Variants in SMARCC1 observed in about 807,000 individuals in gnomAD.
SMARCC1 encodes the protein SWI/SNF complex subunit SMARCC1.
In SMARCC1, 43 loss-of-function variants were observed where a neutral mutation model predicts 147.4. The ratio of observed to expected loss-of-function variants is 0.29; its 90% CI spans 0.23 to 0.38. The LOEUF is 0.38. Among genes scored for constraint, SMARCC1 ranks in the 10% least tolerant of loss-of-function variants. SMARCC1 has a pLI of 1.00. For synonymous variants in SMARCC1, 495 were observed against 484.4 expected, an observed-to-expected ratio of 1.02 and a Z score of -0.29; for missense variants, 1,119 against 1,381.1, an observed-to-expected ratio of 0.81 and a Z score of 3.01.
chr3:47,744,237 G>A (rs576530172), intron 3 of SMARCC1, among the ~76,000 whole-genome samples: 1 of 152,238 alleles, frequency 6.6e-6, no homozygotes, highest in East Asian at 1.9e-4. Flanking sequence ...CGTCTCCCGG[G>A]TTCAAGCAAT....
chr3:47,650,078 C>G (rs1162194997), intron 21 of SMARCC1, among the ~76,000 whole-genome samples: 1 of 151,608 alleles, frequency 6.6e-6, no homozygotes, highest in East Asian at 1.9e-4. Context: ...AGATCGAGAT[C>G]ATCCTGGCTA....
chr3:47,613,736 T>C (rs1441888554), intron 25 of SMARCC1, among the ~76,000 whole-genome samples: 1 of 151,968 alleles, frequency 6.6e-6, no homozygotes. Flanking sequence ...GCGAACCCAG[T>C]TTTTCATACA....
At chr3:47,696,078 G>A (rs796600903) in intron 11 of SMARCC1, among the ~76,000 whole-genome samples, 302 of 8,242 alleles carry the variant, frequency 0.037, no homozygotes, top group East Asian at 0.087. Context: ...AAAAAAAAAA[G>A]GGGGGGGGGG....
In SMARCC1 at chr3:47,781,694, T is replaced by A. The variant is rs1454560518; in HGVS notation, c.104A>T (p.Asp35Val). The A allele has an allele frequency of 6.4e-7, 1 of 1,562,456 alleles. No individual in the cohort carries two copies. Among genetic ancestry groups the A allele is most frequent in the Admixed American group, 1.9e-5 (1 of 52,546 alleles). ...AAGLAVYRRK[D>V]GGPATKFWES... ...CCAAAACTTGGTGGCCGGGCCCCCA[T>A]CCTTCCGTCGATAAACAGCTAGGCC... Residue 35 changes from aspartate to valine, a missense_variant, in exon 1 of 28, where the codon GAT becomes GTT. Physicochemically the swap from Asp to Val is radical, Grantham distance 152. Transcript: ENST00000254480.
chr3:47,669,754 A>C (rs1254093755), intron 19 of SMARCC1, among the ~76,000 whole-genome samples: 1 of 152,206 alleles, frequency 6.6e-6, no homozygotes, highest in African/African-American at 2.4e-5. Context: ...AAAGAAATGG[A>C]AATAGTTTGA....
intron 26 of SMARCC1, among the ~76,000 whole-genome samples, chr3:47,594,949 G>A (rs1317703794): frequency 6.6e-6 from 1 of 152,200 alleles, no homozygotes; most frequent in Non-Finnish European, 1.5e-5. Context: ...GACTCCTGCT[G>A]CCACTCCTCT....
At chr3:47,653,239 G>C (rs1011818902) in intron 21 of SMARCC1, among the ~76,000 whole-genome samples, 15 of 152,154 alleles carry the variant, frequency 9.9e-5, no homozygotes, top group Non-Finnish European at 2.2e-4. Flanking sequence ...TTACAGGCGT[G>C]AGCCACGGCG....
At chr3:47,599,111 G>A (rs1019425510) in intron 26 of SMARCC1, among the ~76,000 whole-genome samples, 5 of 152,164 alleles carry the variant, frequency 3.3e-5, no homozygotes, top group African/African-American at 4.8e-5. Flanking sequence ...GACAGGCTGT[G>A]CGCAGTGGCT....
chr3:47,592,421 A>G (rs1443382938), intron 26 of SMARCC1, among the ~76,000 whole-genome samples: 1 of 152,202 alleles, frequency 6.6e-6, no homozygotes, highest in African/African-American at 2.4e-5. Context: ...ATAAAACATT[A>G]TTCTTCTTTT....
intron 9 of SMARCC1, among the ~76,000 whole-genome samples, chr3:47,708,507 T>C (rs569856131): frequency 1.3e-5 from 2 of 152,038 alleles, no homozygotes; most frequent in African/African-American, 4.8e-5. Context: ...ACAAACAAAC[T>C]AAATCTGAAC....
chr3:47,781,722 C>T lies in SMARCC1; in HGVS notation c.76G>A (p.Ala26Thr). Residue 26 changes from alanine to threonine, a missense_variant, in exon 1 of 28, where the codon GCA (alanine) becomes ACA (threonine). By Grantham distance (58) the Ala-to-Thr change is moderately conservative. Around this residue, in one of 6 missense-constraint regions of SMARCC1, gnomAD observed 542 missense variants for 611.8 expected, o/e 0.89. Transcript: ENST00000254480. ...TTCCGTCGATAAACAGCTAGGCCTG[C>T]GGCTGCCGCCGCAATCCCCGAGCCC... is the stretch of plus-strand genomic sequence containing the variant. ...ATGSGIAAAA[A>T]GLAVYRRKDG... is the part of the protein sequence containing the mutation. 6.4e-7 allele frequency: 1 copy of T among 1,551,784 alleles called. No individual in the cohort carries two copies. Among genetic ancestry groups the T allele is most frequent in the Non-Finnish European group, 8.7e-7 (1 of 1,154,344 alleles).
intron 2 of SMARCC1, among the ~76,000 whole-genome samples, chr3:47,761,354 T>C (rs2034771369): frequency 6.6e-6 from 1 of 151,934 alleles, no homozygotes; most frequent in Middle Eastern, 3.2e-3. Flanking sequence ...ACTAAAAATA[T>C]ATAACTAAAT....
chr3:47,722,723 A>G (rs13094264), intron 6 of SMARCC1, among the ~76,000 whole-genome samples: 95,171 of 152,098 alleles, frequency 0.63, 30,585 homozygotes, highest in East Asian at 0.72. Flanking sequence ...TTATACCCAA[A>G]AATGAATTTA....
chr3:47,639,865 A>C (rs529372773), intron 21 of SMARCC1, among the ~76,000 whole-genome samples: 11 of 152,316 alleles, frequency 7.2e-5, no homozygotes, highest in Admixed American at 5.2e-4. Flanking sequence ...TGAACACAGA[A>C]AGATGGTACA....
chr3:47,675,641 G>C, intron 17 of SMARCC1, 53 bp from the exon 18 acceptor site: 1 of 1,006,626 alleles, frequency 9.9e-7, no homozygotes, highest in Non-Finnish European at 1.6e-6. Context: ...AGTCAAGAGG[G>C]TAAATGTTTT....
At chr3:47,613,893 C>A (rs2032601466) in intron 25 of SMARCC1, among the ~76,000 whole-genome samples, 1 of 151,688 alleles carries the variant, frequency 6.6e-6, no homozygotes, top group South Asian at 2.1e-4. Flanking sequence ...CACTTTTCAA[C>A]ACCAAGACAC....
intron 10 of SMARCC1, 21 bp downstream of exon 10, chr3:47,706,388 G>C (rs1286108282): frequency 6.6e-7 from 1 of 1,514,790 alleles, no homozygotes; most frequent in East Asian, 2.6e-5. Flanking sequence ...AATGCCCTTT[G>C]AATCATGTAA....
At chr3:47,589,856 A>C (rs1040364827) in intron 27 of SMARCC1, among the ~76,000 whole-genome samples, 1 of 152,212 alleles carries the variant, frequency 6.6e-6, no homozygotes, top group Non-Finnish European at 1.5e-5. Flanking sequence ...TATGCTTCCT[A>C]TCTCTCTGAA....
intron 26 of SMARCC1, among the ~76,000 whole-genome samples, chr3:47,599,942 A>C (rs2106652097): frequency 6.6e-6 from 1 of 152,292 alleles, no homozygotes; most frequent in Admixed American, 6.5e-5. Flanking sequence ...GCCCAGTAGT[A>C]CTATTTCCAA....
Sources: allele counts gnomAD v4.1 joint callset (sites outside exome capture counted in the v4.1 genomes callset), GRCh38; gene constraint gnomAD v4.1.1; regional missense constraint gnomAD v4.1.1; transcripts MANE v1.5; gene names NCBI Gene and HGNC (gene_info 2026-07-23, HGNC 2026-07-21).